The following TNRC18 variants were observed in gnomAD, a reference collection of about 807,000 sequenced individuals.
TNRC18 encodes trinucleotide repeat containing 18.
TNRC18 carries 69 observed loss-of-function variants against 226.7 expected under a neutral mutation model. That is an observed-to-expected ratio of 0.30 (90% confidence interval 0.25 to 0.37). TNRC18 has a LOEUF of 0.37. Ranked by LOEUF, TNRC18 falls within the 10% of genes least tolerant of loss-of-function variation. The pLI, the probability that TNRC18 is intolerant of heterozygous loss-of-function variation, is 1.00. For missense variants in TNRC18, 4,754 were observed against 4,256.6 expected (o/e 1.12, Z -3.25); for synonymous variants, 2,449 against 1,927.6 (o/e 1.27, Z -7.09).
intron 5 of TNRC18, among the ~76,000 whole-genome samples, chr7:5,380,621 C>G (rs553633187): frequency 7.9e-5 from 12 of 152,338 alleles, no homozygotes; most frequent in South Asian, 6.2e-4. Context: ...CCAGGGCTAC[C>G]TGGACCTCCA....
Position 5,376,906 on chromosome 7 carries a change from A to G in TNRC18, c.2549T>C (p.Val850Ala). ...GGSLPSAYQF[V>A]RDPQSGQLVV... ...CAGCTGGCCCGATTGGGGGTCCCTG[A>G]CAAACTGGTAGGCTGACGGGAGGGA... The change falls in exon 8 of 30, where the codon GTC becomes GCC. Residue 850 changes from valine (V) to alanine (A), a missense_variant. Physicochemically the swap from Val to Ala is moderately conservative, Grantham distance 64 (BLOSUM62 0). Coordinates refer to ENST00000430969, the MANE Select transcript of TNRC18 (RefSeq NM_001080495.3). 6.2e-7 allele frequency: 1 copy of G among 1,609,604 alleles called. No homozygotes were observed.
intron 11 of TNRC18, among the ~76,000 whole-genome samples, chr7:5,369,003 G>A (rs1257356420): frequency 1.3e-5 from 2 of 152,122 alleles, no homozygotes; most frequent in Non-Finnish European, 2.9e-5. Flanking sequence ...CAAAGGACAG[G>A]TAATGATCAG....
Position 5,388,486 on chromosome 7 carries a change from C to A in TNRC18, c.1338G>T (p.Thr446=), listed in dbSNP as rs1312040934. ...CCGGGGAGGCGCGTGTGGCCCGCAC[C>A]GTGGGGGCATCCGCGGGGGGCGGCC... The part of the protein sequence containing the change: ...LKRPPPADAP[T]VRATRASPDP... The change falls in exon 5 of 30, where the codon ACG becomes ACT. Residue 446 remains threonine (T), a synonymous_variant. Transcript: ENST00000430969. 7.3e-7 allele frequency: 1 copy of A among 1,365,338 alleles called. No individual in the cohort carries two copies. Among genetic ancestry groups the A allele is most frequent in the Non-Finnish European group, 9.4e-7 (1 of 1,066,420 alleles). The allele number at this position is 1,365,338 out of a possible 1,614,324, so 84.6% of individuals were successfully genotyped here.
chr7:5,360,239 A>T (rs1180056785), intron 14 of TNRC18, among the ~76,000 whole-genome samples: 3 of 149,128 alleles, frequency 2.0e-5, no homozygotes, highest in Non-Finnish European at 4.5e-5. Flanking sequence ...TTATTTATTT[A>T]ATTTATTTTT....
intron 24 of TNRC18, among the ~76,000 whole-genome samples, chr7:5,317,282 G>A (rs1196122823): frequency 6.6e-6 from 1 of 152,076 alleles, no homozygotes; most frequent in African/African-American, 2.4e-5. Context: ...CGGGAAGAGA[G>A]AGGGAGCTGC....
chr7:5,315,425 T>G (rs867270927), intron 25 of TNRC18, among the ~76,000 whole-genome samples: 26,804 of 149,398 alleles, frequency 0.18, 2,874 homozygotes, highest in African/African-American at 0.26. Flanking sequence ...GGTTTTTTTT[T>G]TTTTTTTTTT....
In TNRC18 at chr7:5,388,340, C is replaced by A. The variant is rs1448608712; in HGVS notation, c.1484G>T (p.Gly495Val). ...PAAQQAAKLF[G>V]LEPGRPPPTG... is the part of the protein sequence containing the mutation. ...GGGCGGGGGGCGCCCGGGCTCCAGG[C>A]CGAAGAGCTTGGCGGCCTGTTGGGC... The change falls in exon 5 of 30, where the codon GGC (glycine) becomes GTC (valine). Residue 495 changes from glycine (G) to valine (V), a missense_variant. Transcript: ENST00000430969. The A allele has an allele frequency of 4.4e-6, 7 of 1,592,158 alleles. No individual in the cohort carries two copies. Among genetic ancestry groups the A allele is most frequent in the South Asian group, 1.1e-5 (1 of 88,494 alleles).
chr7:5,332,671 C>G lies in TNRC18; in HGVS notation c.6098G>C (p.Ser2033Thr). The G allele has an allele frequency of 3.9e-6, 6 of 1,530,892 alleles. No homozygotes were observed. Among genetic ancestry groups the G allele is most frequent in the Non-Finnish European group, 5.3e-6 (6 of 1,141,644 alleles). 94.8% of individuals were successfully genotyped at this position (1,530,892 alleles called of 1,614,324 possible). A position where few individuals can be genotyped will look rare whatever the true frequency, so the allele number is the denominator to read the frequency against. ...TGCACGCCCGGCGTCCTTGCGCGGG[C>G]TCAGGGGGCCGCCCTTGGCGCAGCG... ...TSRCAKGGPL[S>T]PRKDAGRAKD... The change falls in exon 19 of 30, where the codon AGC becomes ACC. Residue 2033 changes from serine (S) to threonine (T), a missense_variant. By Grantham distance (58) the Ser-to-Thr change is moderately conservative. Transcript: ENST00000430969.
intron 17 of TNRC18, among the ~76,000 whole-genome samples, chr7:5,349,614 C>T (rs999743454): frequency 6.6e-6 from 1 of 152,198 alleles, no homozygotes; most frequent in Non-Finnish European, 1.5e-5. Context: ...AGCAACGAGC[C>T]AGGCTCGCAC....
At chr7:5,405,842 TC>T (rs1781429551) in intron 2 of TNRC18, among the ~76,000 whole-genome samples, 1 of 152,144 alleles carries the variant, frequency 6.6e-6, no homozygotes, top group Non-Finnish European at 1.5e-5. Flanking sequence ...GGCAGGAGGA[TC>T]ACTTGAGCTC....
chr7:5,320,659 G>C (rs1788258497), intron 22 of TNRC18, 52 bp from the exon 23 acceptor site: 1 of 1,527,492 alleles, frequency 6.5e-7, no homozygotes, highest in African/African-American at 1.4e-5. Flanking sequence ...CTCCCCAGAG[G>C]GCCTCAATCC....
In TNRC18 at chr7:5,388,182, T is replaced by TGGA; in HGVS notation, c.1639_1641dup (p.Ser547dup). 6.3e-7 allele frequency: 1 copy of TGGA among 1,586,000 alleles called. No individual in the cohort carries two copies. Among genetic ancestry groups the TGGA allele is most frequent in the Non-Finnish European group, 8.6e-7 (1 of 1,167,958 alleles). ...GCCCCAGGGTCCAGGTAGGCCTTCT[T>TGGA]GGAGGAGGAGGCAGCGACCACGGCG... On this transcript the variant is annotated inframe_insertion, in exon 5 of 30. Coordinates refer to ENST00000430969, the MANE Select transcript of TNRC18 (RefSeq NM_001080495.3).
At chr7:5,345,905 G>A in intron 17 of TNRC18, 95 bp from the exon 18 acceptor site, 1 of 1,458,046 alleles carries the variant, frequency 6.9e-7, no homozygotes, top group East Asian at 2.5e-5. Flanking sequence ...CTGGGCTCCA[G>A]CCTAGTCCCT....
intron 3 of TNRC18, among the ~76,000 whole-genome samples, chr7:5,392,265 C>T (rs1375372851): frequency 6.6e-6 from 1 of 151,844 alleles, no homozygotes; most frequent in Non-Finnish European, 1.5e-5. Context: ...AGTTCGAGAC[C>T]AGCCTGATCA....
rs375160232 is a variant in TNRC18, at chr7:5,374,389, G to A, written c.2895C>T (p.Thr965=). ...TCCGCGGCAGCAGCCCGGGGCCGGC[G>A]GTGGCCAGGCCAGCCTTGCCCGCAG... is the stretch of plus-strand genomic sequence containing the variant. ...LEAAGKAGLA[T]AGPGLLPRKP... is the part of the protein sequence containing the mutation. The change falls in exon 10 of 30, where the codon ACC becomes ACT. Residue 965 remains threonine (T), a synonymous_variant. Coordinates refer to ENST00000430969, the MANE Select transcript of TNRC18 (RefSeq NM_001080495.3). 85 of 1,517,170 alleles carry A rather than the reference G, an allele frequency of 5.6e-5. 1 individual carries two copies. In the Admixed American group the frequency reaches 8.4e-4, roughly 15 times the overall value. 94.0% of individuals were successfully genotyped at this position (1,517,170 alleles called of 1,614,324 possible).
At chr7:5,417,813 C>T (rs1289011575) in intron 2 of TNRC18, among the ~76,000 whole-genome samples, 1 of 152,226 alleles carries the variant, frequency 6.6e-6, no homozygotes, top group Non-Finnish European at 1.5e-5. Flanking sequence ...GCAAATCGTC[C>T]TTATCTCTCC....
At chr7:5,319,669 C>T (rs556648432) in intron 24 of TNRC18, among the ~76,000 whole-genome samples, 13 of 152,184 alleles carry the variant, frequency 8.5e-5, no homozygotes, top group Admixed American at 4.6e-4. Flanking sequence ...CCACCACGCC[C>T]GGCTAATTTT....
intron 26 of TNRC18, among the ~76,000 whole-genome samples, chr7:5,314,757 G>A (rs1787671635): frequency 6.6e-6 from 1 of 151,932 alleles, no homozygotes; most frequent in African/African-American, 2.4e-5. Flanking sequence ...ATTTTTAGTA[G>A]AGACGGAGTT....
rs375691783 is a variant in TNRC18, at chr7:5,377,368, C to G, written c.2461+3G>C. 225 of 1,462,708 alleles carry G rather than the reference C, an allele frequency of 1.5e-4. No homozygotes were observed. The highest frequency in any genetic ancestry group is 1.9e-4 in the Non-Finnish European group (211 of 1,087,802). The allele number at this position is 1,462,708 out of a possible 1,614,324, so 90.6% of individuals were successfully genotyped here. A position where few individuals can be genotyped will look rare whatever the true frequency, so the allele number is the denominator to read the frequency against. On this transcript the variant is annotated splice_donor_region_variant and intron_variant, in intron 7 of 29. Transcript: ENST00000430969. The surrounding 1 kb of genome is among the most constrained non-coding windows in gnomAD (Gnocchi z 5.8). ...GGGGAGAGACCCTGTGCCCCACACT[C>G]ACCGTAGGGGTGTCCAGCGAGCCAC...
Sources: gnomAD v4.1 joint callset for allele counts (sites outside exome capture counted in the v4.1 genomes callset) on GRCh38, gnomAD v4.1.1 for gene constraint, Gnocchi (gnomAD v3.1) non-coding constraint, MANE v1.5 for transcripts, NCBI Gene and HGNC (gene_info 2026-07-23, HGNC 2026-07-21) for gene names.